The following TMCC3 variants were observed in gnomAD, a reference collection of about 807,000 sequenced individuals.
TMCC3 encodes transmembrane and coiled-coil domain protein 3.
TMCC3 carries 28 observed loss-of-function variants against 40.2 expected under a neutral mutation model. The observed-to-expected ratio is 0.70, with a 90% CI of 0.52 to 0.95. The LOEUF (loss-of-function observed/expected upper bound fraction) is 0.95. Ranked by LOEUF, TMCC3 falls within the 40% of genes least tolerant of loss-of-function variation. The pLI is 0.00. For synonymous variants in TMCC3, 255 were observed against 248.5 expected (o/e 1.03, Z -0.25); for missense variants, 554 against 615.2 (o/e 0.90, Z 1.05).
At chr12:94,580,001 A>G (rs2068590539) in intron 2 of TMCC3, among the ~76,000 whole-genome samples, 1 of 152,266 alleles carries the variant, frequency 6.6e-6, no homozygotes, top group South Asian at 2.1e-4. Context: ...CCAAAGATGC[A>G]TATGGAAAGA....
chr12:94,581,566 TA>T (rs2068601220), intron 2 of TMCC3, 55 bp downstream of exon 2: 2 of 1,148,648 alleles, frequency 1.7e-6, no homozygotes. Context: ...TAACATAAAA[TA>T]AAAAAATAAA....
rs534403687 is a variant in TMCC3, at chr12:94,613,569, G to C, written c.79-31031C>G. On this transcript the variant is annotated intron_variant, in intron 1 of 3. Coordinates refer to ENST00000261226, the MANE Select transcript of TMCC3 (RefSeq NM_020698.4). ...CAAACGCAGGCAAACTCTTTTTTAGGTATGAACACACATGTGATAAAAAGA... is the reference window on the plus strand; with the variant it reads ...CAAACGCAGGCAAACTCTTTTTTAGCTATGAACACACATGTGATAAAAAGA... Among the ~76,000 whole-genome samples the C allele has an allele frequency of 2.0e-5, 3 of 152,136 alleles. No individual in the cohort carries two copies. In the East Asian group the frequency reaches 5.8e-4, roughly 29 times the overall value.
intron 3 of TMCC3, among the ~76,000 whole-genome samples, chr12:94,574,769 C>T (rs1053609068): frequency 6.6e-6 from 1 of 152,138 alleles, no homozygotes; most frequent in Admixed American, 6.5e-5. Flanking sequence ...TACTTGGGTC[C>T]AAGGTTTCCT....
At chr12:94,599,064 A>G (rs916610849) in intron 1 of TMCC3, among the ~76,000 whole-genome samples, 4 of 152,216 alleles carry the variant, frequency 2.6e-5, no homozygotes, top group African/African-American at 9.6e-5. Flanking sequence ...TTAAAGGCAC[A>G]GATTTCAGAG....
chr12:94,646,755 A>ATTTTT (rs1445489883), intron 1 of TMCC3, among the ~76,000 whole-genome samples: 497 of 40,564 alleles, frequency 0.012, 2 homozygotes, highest in African/African-American at 0.031. Context: ...TTTTTTTTTA[A>ATTTTT]AAAACAAATA....
intron 1 of TMCC3, among the ~76,000 whole-genome samples, chr12:94,592,925 G>A (rs900364247): frequency 2.0e-5 from 3 of 151,892 alleles, no homozygotes; most frequent in Admixed American, 6.6e-5. Flanking sequence ...GGCCAGGCGC[G>A]GTGGCTCATG....
chr12:94,631,309 T>C (rs1193493607), intron 1 of TMCC3, among the ~76,000 whole-genome samples: 1 of 152,176 alleles, frequency 6.6e-6, no homozygotes, highest in African/African-American at 2.4e-5. Context: ...TAAAAATTCA[T>C]ACTGAAATCC....
intron 1 of TMCC3, among the ~76,000 whole-genome samples, chr12:94,627,054 G>T (rs2068907697): frequency 3.3e-5 from 5 of 151,906 alleles, no homozygotes; most frequent in South Asian, 2.1e-4. Flanking sequence ...AGAGATGGGG[G>T]TTTCACCATG....
chr12:94,631,207 G>C (rs944014317), intron 1 of TMCC3, among the ~76,000 whole-genome samples: 2 of 152,106 alleles, frequency 1.3e-5, no homozygotes, highest in African/African-American at 4.8e-5. Flanking sequence ...TCCAAAGAAA[G>C]CTATGGAACC....
At chr12:94,609,251 A>G (rs1285534959) in intron 1 of TMCC3, among the ~76,000 whole-genome samples, 1 of 152,156 alleles carries the variant, frequency 6.6e-6, no homozygotes, top group Non-Finnish European at 1.5e-5. Context: ...AAGAAAAAGA[A>G]AAAAGAAATC....
chr12:94,643,701 A>G (rs1215926585), intron 1 of TMCC3, among the ~76,000 whole-genome samples: 1 of 152,252 alleles, frequency 6.6e-6, no homozygotes, highest in Non-Finnish European at 1.5e-5. Flanking sequence ...TAAGAATTAG[A>G]GCACACAATT....
At chr12:94,607,356 C>T (rs143019558) in intron 1 of TMCC3, among the ~76,000 whole-genome samples, 16 of 151,962 alleles carry the variant, frequency 1.1e-4, no homozygotes, top group South Asian at 1.0e-3. Flanking sequence ...ATGAAGATAA[C>T]GGGATTAAGA....
chr12:94,620,921 C>T (rs1288571322), intron 1 of TMCC3, among the ~76,000 whole-genome samples: 4 of 152,094 alleles, frequency 2.6e-5, no homozygotes, highest in Non-Finnish European at 4.4e-5. Flanking sequence ...TACTTAAAGT[C>T]GATTTCACTG....
At chr12:94,605,771 G>T (rs1313820032) in intron 1 of TMCC3, among the ~76,000 whole-genome samples, 1 of 152,168 alleles carries the variant, frequency 6.6e-6, no homozygotes, top group African/African-American at 2.4e-5. Flanking sequence ...ACTTAAAGAT[G>T]ACTTTCCTGA....
intron 1 of TMCC3, among the ~76,000 whole-genome samples, chr12:94,587,310 G>A (rs900148978): frequency 6.6e-6 from 1 of 152,114 alleles, no homozygotes; most frequent in Non-Finnish European, 1.5e-5. Flanking sequence ...ACCTCTACGG[G>A]CTTCCATTTC....
Position 94,578,516 on chromosome 12 carries a change from C to T in TMCC3, c.1009G>A (p.Glu337Lys). The T allele has an allele frequency of 6.2e-7, 1 of 1,613,810 alleles. No individual in the cohort carries two copies. Among genetic ancestry groups the T allele is most frequent in the South Asian group, 1.1e-5 (1 of 91,036 alleles). ...TCCGTCAGGTCATGCAGCTGGTCCTCCAGTCGCTCATACCTTTAAAAGAGA... is the reference window on the plus strand; with the variant it reads ...TCCGTCAGGTCATGCAGCTGGTCCTTCAGTCGCTCATACCTTTAAAAGAGA... ...QEERYRYERL[E>K]DQLHDLTDLH... The change falls in exon 3 of 4, where the codon GAG becomes AAG. Residue 337 changes from glutamate to lysine, a missense_variant. Transcript: ENST00000261226.
intron 1 of TMCC3, among the ~76,000 whole-genome samples, chr12:94,640,813 T>C (rs2068986343): frequency 6.6e-6 from 1 of 152,220 alleles, no homozygotes; most frequent in African/African-American, 2.4e-5. Context: ...GTCCATTTCC[T>C]GATGCTTCAC....
intron 3 of TMCC3, among the ~76,000 whole-genome samples, chr12:94,573,474 T>C (rs1017845471): frequency 1.3e-5 from 2 of 152,240 alleles, no homozygotes; most frequent in African/African-American, 4.8e-5. Flanking sequence ...ATCTTTAATA[T>C]GGCCTTCTGA....
intron 1 of TMCC3, among the ~76,000 whole-genome samples, chr12:94,639,883 C>G (rs1039137892): frequency 1.3e-5 from 2 of 151,944 alleles, no homozygotes; most frequent in African/African-American, 4.8e-5. Context: ...AAAACACTCA[C>G]TAACTCAAAT....
Sources: gnomAD v4.1 joint callset for allele counts (sites outside exome capture counted in the v4.1 genomes callset) on GRCh38, gnomAD v4.1.1 for gene constraint, MANE v1.5 for transcripts, NCBI Gene and HGNC (gene_info 2026-07-23, HGNC 2026-07-21) for gene names.